Variants in NOP53 observed in about 807,000 individuals in gnomAD.
NOP53 encodes ribosome biogenesis protein NOP53.
In NOP53, 40 loss-of-function variants were observed where a neutral mutation model predicts 61.0. That is an observed-to-expected ratio of 0.66 (90% CI 0.51 to 0.85). NOP53 has a LOEUF of 0.85. Among genes scored for constraint, NOP53 ranks in the 40% least tolerant of loss-of-function variants. The pLI is 0.00. For synonymous variants in NOP53, 308 were observed against 289.5 expected, an observed-to-expected ratio of 1.06 and a Z score of -0.65; for missense variants, 689 against 652.9, an observed-to-expected ratio of 1.06 and a Z score of -0.60.
intron 4 of NOP53, 37 bp from the exon 5 acceptor site, chr19:47,751,483 G>T (rs764922480): frequency 6.4e-7 from 1 of 1,555,142 alleles, no homozygotes; most frequent in South Asian, 1.1e-5. Context: ...CTTCCATGCT[G>T]GGACTGTCCC....
chr19:47,756,839 G>T lies in NOP53; in HGVS notation c.1430+95G>T, dbSNP rs1032113380. On this transcript the variant is annotated intron_variant, in intron 12 of 12. Transcript: ENST00000246802. ...GGGCCCCTTCCAGAGTGTGGCTAGT[G>T]GCTGAGCCACACCCCCTTGGCCATG... 4 of 1,503,082 alleles carry T rather than the reference G, an allele frequency of 2.7e-6. No homozygotes were observed. In the East Asian group the frequency reaches 9.0e-5, roughly 34 times the overall value. The allele number at this position is 1,503,082 out of a possible 1,614,324, so 93.1% of individuals were successfully genotyped here.
At position 47,754,628 on chromosome 19, in the gene NOP53, C is replaced by G. The variant is rs1197251310; in HGVS notation, c.867C>G (p.Thr289=). The G allele has an allele frequency of 1.2e-5, 18 of 1,548,820 alleles. No homozygotes were observed. The highest frequency in any genetic ancestry group is 1.6e-5 in the Non-Finnish European group (18 of 1,146,924). ...TGCCCGCCACGGAGCAGGCCGCCAC[C>G]CAGGTGAGCCCCGCACCTGCCCACT... ...LALPATEQAA[T]QESTFQELCE... The change falls in exon 7 of 13, where the codon ACC becomes ACG. Residue 289 remains threonine (T), a synonymous_variant. Coordinates refer to ENST00000246802, the MANE Select transcript of NOP53 (RefSeq NM_015710.5). This position sits in a 1 kb window ranked among gnomAD's most constrained non-coding sequence, Gnocchi z 4.2.
At chr19:47,748,264 G>T (rs1166248674) in intron 2 of NOP53, among the ~76,000 whole-genome samples, 1 of 152,026 alleles carries the variant, frequency 6.6e-6, no homozygotes, top group East Asian at 1.9e-4. Context: ...TTGCTTTAGT[G>T]AGCGGGTAAC....
In NOP53 at chr19:47,751,115, A is replaced by G; in HGVS notation, c.598+8A>G. The G allele has an allele frequency of 6.3e-7, 1 of 1,599,772 alleles. No individual in the cohort carries two copies. Among genetic ancestry groups the G allele is most frequent in the East Asian group, 2.2e-5 (1 of 44,528 alleles). On this transcript the variant is annotated splice_region_variant and intron_variant, in intron 4 of 12. Transcript: ENST00000246802. Reference sequence around the variant, plus strand: ...ACCTCTGGGCCTCAGACAGTGAGTGATCCTGCTGTCACCTATGAATGGGGA... The same window carrying G: ...ACCTCTGGGCCTCAGACAGTGAGTGGTCCTGCTGTCACCTATGAATGGGGA...
chr19:47,747,513 G>A (rs1967078937), intron 2 of NOP53, among the ~76,000 whole-genome samples: 3 of 151,998 alleles, frequency 2.0e-5, no homozygotes, highest in Admixed American at 2.0e-4. Context: ...GTGGTGGCGG[G>A]CACCTGTAAT....
At position 47,745,793 on chromosome 19, in the gene NOP53, G is replaced by A. The variant is rs1599911073; in HGVS notation, c.224+10G>A. ...AGGAGCGCACGAGCGGGTACGTTGGGCGGGACTTCCGGGAGGTGGGACGGT... is the reference window on the plus strand; with the variant it reads ...AGGAGCGCACGAGCGGGTACGTTGGACGGGACTTCCGGGAGGTGGGACGGT... On this transcript the variant is annotated intron_variant, in intron 1 of 12. Coordinates refer to ENST00000246802, the MANE Select transcript of NOP53 (RefSeq NM_015710.5). 6.6e-7 allele frequency: 1 copy of A among 1,518,022 alleles called. No individual in the cohort carries two copies. Among genetic ancestry groups the A allele is most frequent in the East Asian group, 2.4e-5 (1 of 42,262 alleles). 94.0% of individuals were successfully genotyped at this position (1,518,022 alleles called of 1,614,324 possible).
intron 5 of NOP53, 22 bp downstream of exon 5, chr19:47,751,612 TC>T: frequency 3.1e-6 from 5 of 1,591,548 alleles, no homozygotes; most frequent in Non-Finnish European, 4.3e-6. Flanking sequence ...GGGAAGGGCA[TC>T]CTGGGTGATG....
chr19:47,746,661 C>A (rs550207610), intron 1 of NOP53: 32 of 248,484 alleles, frequency 1.3e-4, no homozygotes, highest in South Asian at 8.5e-4. Context: ...GCCACCACAC[C>A]CAGCCTAATT....
At position 47,746,989 on chromosome 19, in the gene NOP53, A is replaced by G. The variant is rs773855881; in HGVS notation, c.247A>G (p.Asn83Asp). 4 of 1,613,798 alleles carry G rather than the reference A, an allele frequency of 2.5e-6. No homozygotes were observed. Among genetic ancestry groups the G allele is most frequent in the Middle Eastern group, 1.6e-4 (1 of 6,082 alleles). ...CAGTGGCTTGTTGTCAGAGGCCCCAAATGAAAAACTCTTCTTCGTGGACAC... is the reference window on the plus strand; with the variant it reads ...CAGTGGCTTGTTGTCAGAGGCCCCAGATGAAAAACTCTTCTTCGTGGACAC... ...TSGGLLSEAPNEKLFFVDTGS... is the reference protein window; with the variant it reads ...TSGGLLSEAPDEKLFFVDTGS... The change falls in exon 2 of 13, where the codon AAT becomes GAT. Residue 83 changes from asparagine to aspartate, a missense_variant. Asn to Asp is a conservative substitution (Grantham distance 23, BLOSUM62 1). Coordinates refer to ENST00000246802, the MANE Select transcript of NOP53 (RefSeq NM_015710.5).
chr19:47,752,866 G>A (rs570168173), intron 6 of NOP53: 15 of 472,156 alleles, frequency 3.2e-5, no homozygotes, highest in Non-Finnish European at 5.0e-5. Context: ...CGCCTGAGCC[G>A]AGGCAGAGGC....
At position 47,750,135 on chromosome 19, in the gene NOP53, G is replaced by A. The variant is rs1487423967; in HGVS notation, c.290-43G>A. On this transcript the variant is annotated intron_variant, in intron 2 of 12. Coordinates refer to ENST00000246802, the MANE Select transcript of NOP53 (RefSeq NM_015710.5). ...AATAGGGTGGGTGGTCTTTGGCAGT[G>A]GGTAGGGCTGAGGCCTTGACTTGTT... is the stretch of plus-strand genomic sequence containing the variant. 4 of 1,276,098 alleles carry A rather than the reference G, an allele frequency of 3.1e-6. No homozygotes were observed. In the South Asian group the frequency reaches 3.6e-5, roughly 11 times the overall value. 79.0% of individuals were successfully genotyped at this position (1,276,098 alleles called of 1,614,324 possible). A position where few individuals can be genotyped will look rare whatever the true frequency, so the allele number is the denominator to read the frequency against.
At chr19:47,749,831 T>TCC (rs2123672907) in intron 2 of NOP53, among the ~76,000 whole-genome samples, 1 of 152,120 alleles carries the variant, frequency 6.6e-6, no homozygotes, top group African/African-American at 2.4e-5. Flanking sequence ...TCCTCCCACC[T>TCC]CAGCCTCCCA....
chr19:47,754,378 G>A lies in NOP53; in HGVS notation c.766-149G>A. ...GGTGCCCTCTGGCTCTGTGCAGGGT[G>A]GGTGTGCTGGTAGACGGGGTGTGGG... On this transcript the variant is annotated intron_variant, in intron 6 of 12. Transcript: ENST00000246802. This position sits in a 1 kb window ranked among gnomAD's most constrained non-coding sequence, Gnocchi z 4.2. 2 of 661,164 alleles carry A rather than the reference G, an allele frequency of 3.0e-6. No individual in the cohort carries two copies. The highest frequency in any genetic ancestry group is 5.5e-6 in the Non-Finnish European group (2 of 362,368). The allele number at this position is 661,164 out of a possible 1,614,324, so 41.0% of individuals were successfully genotyped here. A position where few individuals can be genotyped will look rare whatever the true frequency, so the allele number is the denominator to read the frequency against.
chr19:47,748,909 C>T (rs1208655430), intron 2 of NOP53, among the ~76,000 whole-genome samples: 1 of 151,956 alleles, frequency 6.6e-6, no homozygotes, highest in East Asian at 1.9e-4. Context: ...CGCCTGTAAT[C>T]CCAGCACTTT....
Position 47,754,791 on chromosome 19 carries a change from A to G in NOP53, c.953A>G (p.Glu318Gly), listed in dbSNP as rs571625521. The G allele has an allele frequency of 2.0e-6, 3 of 1,530,266 alleles. No homozygotes were observed. Among genetic ancestry groups the G allele is most frequent in the South Asian group, 2.4e-5 (2 of 82,112 alleles). 94.8% of individuals were successfully genotyped at this position (1,530,266 alleles called of 1,614,324 possible). ...EGEPGQGEGP[E>G]AGDAEVCPTP... ...GAGCCAGGCCAGGGCGAGGGGCCGGAGGCTGGGGATGCCGAGGTCTGTCCC... is the reference window on the plus strand; with the variant it reads ...GAGCCAGGCCAGGGCGAGGGGCCGGGGGCTGGGGATGCCGAGGTCTGTCCC... The change falls in exon 8 of 13, where the codon GAG becomes GGG. Residue 318 changes from glutamate to glycine, a missense_variant. Glu to Gly is a moderately conservative substitution (Grantham distance 98). Transcript: ENST00000246802. The surrounding 1 kb of genome is among the most constrained non-coding windows in gnomAD (Gnocchi z 4.2).
At chr19:47,755,897 CT>C in intron 10 of NOP53, 75 bp downstream of exon 10, 3 of 1,251,892 alleles carry the variant, frequency 2.4e-6, no homozygotes, top group Non-Finnish European at 3.5e-6. Context: ...CCCCCAGGGG[CT>C]ATGGGCGACA....
rs753358245 is a variant in NOP53, at chr19:47,745,716, C to T, written c.157C>T (p.Gln53Ter). ...NKKRGWRRLA[Q>*]EPLGLEVDQF... ...GAAGCGGGGCTGGCGGCGGCTTGCT[C>T]AGGAGCCGCTGGGGCTGGAGGTTGA... The change falls in exon 1 of 13, where the codon CAG (glutamine) becomes TAG (stop). Residue 53 changes from glutamine (Q) to a stop codon, truncating the protein, a stop_gained. Transcript: ENST00000246802. LOFTEE classifies it high-confidence loss of function. 6.2e-7 allele frequency: 1 copy of T among 1,610,872 alleles called. No homozygotes were observed. The highest frequency in any genetic ancestry group is 1.1e-5 in the South Asian group (1 of 90,978).
chr19:47,752,186 C>A (rs1438170298), intron 5 of NOP53, among the ~76,000 whole-genome samples: 1 of 152,106 alleles, frequency 6.6e-6, no homozygotes, highest in Non-Finnish European at 1.5e-5. Context: ...AGAGGTAGCA[C>A]ATGAGAAGGT....
In NOP53 at chr19:47,756,736, T is replaced by A; in HGVS notation, c.1422T>A (p.Arg474=). The change falls in exon 12 of 13, where the codon CGT becomes CGA. Residue 474 remains arginine, a synonymous_variant. Transcript: ENST00000246802. ...AGCTGGTGGAGAAGCGGGCGTTCCGTGAGATCCAGTGAGTCCACCCGGCTT... is the reference window on the plus strand; with the variant it reads ...AGCTGGTGGAGAAGCGGGCGTTCCGAGAGATCCAGTGAGTCCACCCGGCTT... ...KVKLVEKRAF[R]EIQL 6.2e-7 allele frequency: 1 copy of A among 1,612,140 alleles called. No individual in the cohort carries two copies. Among genetic ancestry groups the A allele is most frequent in the Non-Finnish European group, 8.5e-7 (1 of 1,178,840 alleles).
Sources: allele counts gnomAD v4.1 joint callset (sites outside exome capture counted in the v4.1 genomes callset), GRCh38; gene constraint gnomAD v4.1.1; non-coding constraint Gnocchi (gnomAD v3.1); transcripts MANE v1.5; gene names NCBI Gene and HGNC (gene_info 2026-07-23, HGNC 2026-07-21).